The following RELN variants were observed in gnomAD, a reference collection of about 807,000 sequenced individuals.
RELN encodes the protein reelin.
In RELN, 108 loss-of-function variants were observed where a neutral mutation model predicts 427.6. That is an observed-to-expected ratio of 0.25 (90% confidence interval 0.22 to 0.30). The LOEUF is 0.30. Among genes scored for constraint, RELN ranks in the 10% least tolerant of loss-of-function variants. RELN has a pLI of 1.00. For synonymous variants in RELN, 1,524 were observed against 1,513.4 expected, an observed-to-expected ratio of 1.01 and a Z score of -0.16; for missense variants, 3,715 against 4,302.8, an observed-to-expected ratio of 0.86 and a Z score of 3.82.
At chr7:103,931,814 C>T (rs1438794650) in intron 1 of RELN, among the ~76,000 whole-genome samples, 1 of 152,162 alleles carries the variant, frequency 6.6e-6, no homozygotes, top group African/African-American at 2.4e-5. Flanking sequence ...CACTACACTC[C>T]TCCTTTGTAC....
intron 61 of RELN, among the ~76,000 whole-genome samples, chr7:103,485,229 CAAAAAAAAAAAA>C (rs35324403): frequency 0.27 from 26,432 of 98,632 alleles, 2,772 homozygotes; most frequent in East Asian, 0.36. Flanking sequence ...TTTGGCAGGC[CAAAAAAAAAAAA>C]AAAAAAAAAA....
chr7:103,709,783 G>T (rs1789747858), intron 8 of RELN, among the ~76,000 whole-genome samples: 1 of 152,028 alleles, frequency 6.6e-6, no homozygotes, highest in South Asian at 2.1e-4. Flanking sequence ...TAAATCCATG[G>T]CTTAAAATAT....
At chr7:103,885,848 G>A (rs568734241) in intron 2 of RELN, among the ~76,000 whole-genome samples, 24 of 152,136 alleles carry the variant, frequency 1.6e-4, no homozygotes, top group East Asian at 7.7e-4. Context: ...AAAATGTTGC[G>A]TTGAGATACT....
intron 3 of RELN, among the ~76,000 whole-genome samples, chr7:103,790,126 T>C (rs555599441): frequency 6.6e-6 from 1 of 151,458 alleles, no homozygotes; most frequent in African/African-American, 2.4e-5. Flanking sequence ...TAAGTGGGAG[T>C]TGAACAATGA....
rs543320813 is a variant in RELN at position 103,963,187 on chromosome 7, CT to C, written c.226+25943del. On this transcript the variant is annotated intron_variant, in intron 1 of 64. Transcript: ENST00000428762. ...CTCATTTCTCTTCCTCCTCATTCCT[CT>C]GTCTTCGCTTTGTCCTTTCTTCCTA... Among the ~76,000 whole-genome samples the C allele has an allele frequency of 9.9e-3, 1,454 of 147,264 alleles. 26 individuals are homozygous for C. Among genetic ancestry groups the C allele is most frequent in the African/African-American group, 0.034 (1,362 of 39,638 alleles).
intron 9 of RELN, among the ~76,000 whole-genome samples, chr7:103,699,483 T>C (rs1834046800): frequency 1.3e-5 from 2 of 152,186 alleles, no homozygotes; most frequent in African/African-American, 2.4e-5. Context: ...GTTTGGTACA[T>C]GGCCTAAAAC....
At chr7:103,748,759 C>G (rs536891439) in intron 6 of RELN, among the ~76,000 whole-genome samples, 1 of 152,178 alleles carries the variant, frequency 6.6e-6, no homozygotes, top group Non-Finnish European at 1.5e-5. Flanking sequence ...ATCTTGAACT[C>G]TTCTGTCCAA....
chr7:103,959,999 C>T (rs975479585), intron 1 of RELN, among the ~76,000 whole-genome samples: 1 of 152,164 alleles, frequency 6.6e-6, no homozygotes, highest in African/African-American at 2.4e-5. Flanking sequence ...TTACAAAAGC[C>T]TCCTAACGGG....
intron 8 of RELN, among the ~76,000 whole-genome samples, chr7:103,713,830 A>G (rs745711503): frequency 2.0e-5 from 3 of 152,224 alleles, no homozygotes; most frequent in Non-Finnish European, 2.9e-5. Context: ...ATTATTATCC[A>G]GATTACCAAT....
chr7:103,498,337 G>GGACTT, intron 53 of RELN, 85 bp from the exon 54 acceptor site: 1 of 1,246,564 alleles, frequency 8.0e-7, no homozygotes, highest in Non-Finnish European at 1.2e-6. Flanking sequence ...GTGATGTCTT[G>GGACTT]GACTTAAAAA....
intron 25 of RELN, among the ~76,000 whole-genome samples, chr7:103,595,575 G>A (rs1435734055): frequency 6.6e-6 from 1 of 152,030 alleles, no homozygotes; most frequent in Non-Finnish European, 1.5e-5. Context: ...AACATATTCA[G>A]TCTGTAAGAA....
At chr7:103,734,910 T>C (rs1264696850) in intron 6 of RELN, among the ~76,000 whole-genome samples, 2 of 152,174 alleles carry the variant, frequency 1.3e-5, no homozygotes, top group Non-Finnish European at 2.9e-5. Context: ...CTGATAAAAA[T>C]GTACAAAAAG....
intron 11 of RELN, among the ~76,000 whole-genome samples, chr7:103,670,161 G>C (rs181150913): frequency 2.6e-5 from 4 of 152,012 alleles, no homozygotes; most frequent in Non-Finnish European, 5.9e-5. Context: ...TTTGTAACTA[G>C]GATTAATTAT....
At chr7:103,652,158 CT>C (rs1257351407) in intron 14 of RELN, among the ~76,000 whole-genome samples, 1 of 151,810 alleles carries the variant, frequency 6.6e-6, no homozygotes, top group Non-Finnish European at 1.5e-5. Flanking sequence ...GCAAGTGAAA[CT>C]GAGAAGTCAT....
chr7:103,756,442 C>T (rs1351471034), intron 4 of RELN, among the ~76,000 whole-genome samples: 1 of 152,180 alleles, frequency 6.6e-6, no homozygotes, highest in Non-Finnish European at 1.5e-5. Flanking sequence ...AAGTACTCAT[C>T]TTTGCTCTGA....
rs112115617 is a variant in RELN at position 103,839,975 on chromosome 7, C to T, written c.338-6303G>A. Among the ~76,000 whole-genome samples the T allele has an allele frequency of 1.6e-3, 251 of 152,244 alleles. 1 individual carries two copies. The highest frequency in any genetic ancestry group is 5.8e-3 in the African/African-American group (242 of 41,530). Reference sequence around the variant, plus strand: ...CTGTTCTCGTGATCGTGAGTTCTCACGAGATCTGGTTGTTTGAAAGTGTGT... The same window carrying T: ...CTGTTCTCGTGATCGTGAGTTCTCATGAGATCTGGTTGTTTGAAAGTGTGT... On this transcript the variant is annotated intron_variant, in intron 2 of 64. Coordinates refer to ENST00000428762, the MANE Select transcript of RELN (RefSeq NM_005045.4).
rs115786778 is a variant in RELN at position 103,620,504 on chromosome 7, C to T, written c.2703-8701G>A. ...TTTTTTTTTTTTTGAGATAGAGTCT[C>T]GTCTGTCGCCCAGGCTGGAGTAACA... On this transcript the variant is annotated intron_variant, in intron 20 of 64. Coordinates refer to ENST00000428762, the MANE Select transcript of RELN (RefSeq NM_005045.4). The surrounding 1 kb of genome is among the most constrained non-coding windows in gnomAD (Gnocchi z 4.1). Among the ~76,000 whole-genome samples, 1,579 of 148,252 alleles carry T rather than the reference C, an allele frequency of 0.011. 38 individuals are homozygous for T. Among genetic ancestry groups the T allele is most frequent in the African/African-American group, 0.037 (1,472 of 40,126 alleles).
At chr7:103,654,811 T>C (rs1053713122) in intron 12 of RELN, among the ~76,000 whole-genome samples, 1 of 152,030 alleles carries the variant, frequency 6.6e-6, no homozygotes, top group Non-Finnish European at 1.5e-5. Flanking sequence ...GAAAACAATA[T>C]GCCATTGAAG....
intron 2 of RELN, among the ~76,000 whole-genome samples, chr7:103,890,198 CTTT>C (rs5886284): frequency 0.67 from 99,030 of 148,602 alleles, 32,828 homozygotes; most frequent in East Asian, 0.85. Flanking sequence ...GCACTCTGAA[CTTT>C]TTTTTTTTTT....
Sources: allele counts gnomAD v4.1 joint callset (sites outside exome capture counted in the v4.1 genomes callset), GRCh38; gene constraint gnomAD v4.1.1; non-coding constraint Gnocchi (gnomAD v3.1); transcripts MANE v1.5; gene names NCBI Gene and HGNC (gene_info 2026-07-23, HGNC 2026-07-21).